Variants in KCNIP4 observed in about 807,000 individuals in gnomAD.
KCNIP4 encodes the protein Kv channel-interacting protein 4.
KCNIP4 carries 12 observed loss-of-function variants against 34.0 expected under a neutral mutation model. That is an observed-to-expected ratio of 0.35 (90% CI 0.23 to 0.57). The LOEUF (loss-of-function observed/expected upper bound fraction) is 0.57, where lower values mean the gene tolerates loss of function less well. Among genes scored for constraint, KCNIP4 ranks in the 20% least tolerant of loss-of-function variants. The pLI is 0.83. For missense variants in KCNIP4, 238 were observed against 311.7 expected, an observed-to-expected ratio of 0.76 and a Z score of 1.78; for synonymous variants, 124 against 102.2, an observed-to-expected ratio of 1.21 and a Z score of -1.29.
intron 2 of KCNIP4, among the ~76,000 whole-genome samples, chr4:20,870,518 A>T (rs1723333631): frequency 6.6e-6 from 1 of 152,150 alleles, no homozygotes; most frequent in Non-Finnish European, 1.5e-5. Flanking sequence ...AAACTAATAC[A>T]CATGGCGAGA....
chr4:21,501,496 T>C (rs1053245231), intron 1 of KCNIP4, among the ~76,000 whole-genome samples: 24 of 152,054 alleles, frequency 1.6e-4, no homozygotes, highest in Admixed American at 1.5e-3. Context: ...AAATTTCTTA[T>C]CAAGCTGATA....
intron 1 of KCNIP4, among the ~76,000 whole-genome samples, chr4:20,900,722 G>T (rs1727073768): frequency 6.6e-6 from 1 of 151,996 alleles, no homozygotes; most frequent in African/African-American, 2.4e-5. Context: ...TGAGAGTTGG[G>T]GAAAGTGGGG....
At chr4:21,694,958 T>C (rs1712143695) in intron 1 of KCNIP4, among the ~76,000 whole-genome samples, 1 of 137,936 alleles carries the variant, frequency 7.2e-6, no homozygotes, top group Non-Finnish European at 1.6e-5. Flanking sequence ...ATAAAGGGCT[T>C]TTTGGTAAAA....
At chr4:21,379,913 G>A (rs1026614211) in intron 1 of KCNIP4, among the ~76,000 whole-genome samples, 2 of 133,874 alleles carry the variant, frequency 1.5e-5, no homozygotes, top group South Asian at 4.8e-4. Flanking sequence ...ATTAGTGCTC[G>A]TTCTCTGGAA....
chr4:21,580,001 T>C (rs1416500398), intron 1 of KCNIP4, among the ~76,000 whole-genome samples: 2 of 152,116 alleles, frequency 1.3e-5, no homozygotes, highest in Non-Finnish European at 2.9e-5. Flanking sequence ...TACAGCTAAA[T>C]ATATAATTTC....
chr4:21,050,300 G>A (rs146081544), intron 1 of KCNIP4, among the ~76,000 whole-genome samples: 1 of 152,248 alleles, frequency 6.6e-6, no homozygotes, highest in African/African-American at 2.4e-5. Context: ...ACTAAATGCT[G>A]CAATAGGTGG....
At chr4:21,893,148 G>A (rs927008903) in intron 1 of KCNIP4, among the ~76,000 whole-genome samples, 3 of 152,024 alleles carry the variant, frequency 2.0e-5, no homozygotes, top group Non-Finnish European at 4.4e-5. Flanking sequence ...ATTAAACCAG[G>A]CACCCAGAAG....
At chr4:21,208,368 G>A (rs1756997924) in intron 1 of KCNIP4, among the ~76,000 whole-genome samples, 2 of 152,110 alleles carry the variant, frequency 1.3e-5, no homozygotes, top group South Asian at 4.1e-4. Context: ...CATCAAGTGG[G>A]TCAATGCAGT....
chr4:21,147,730 G>A (rs1752460566), intron 1 of KCNIP4, among the ~76,000 whole-genome samples: 1 of 151,796 alleles, frequency 6.6e-6, no homozygotes, highest in Non-Finnish European at 1.5e-5. Context: ...CTTTAGGTTA[G>A]GAGTTCGAGA....
chr4:20,920,992 C>T (rs530405600), intron 1 of KCNIP4, among the ~76,000 whole-genome samples: 83 of 151,632 alleles, frequency 5.5e-4, no homozygotes, highest in Non-Finnish European at 8.0e-4. Flanking sequence ...ATCTCAAAAA[C>T]AAAAATAAAA....
chr4:21,110,251 G>C (rs935056766), intron 1 of KCNIP4, among the ~76,000 whole-genome samples: 2 of 152,156 alleles, frequency 1.3e-5, no homozygotes, highest in African/African-American at 4.8e-5. Flanking sequence ...ACTTGAGTAT[G>C]ACCTCTGATT....
At chr4:20,923,416 G>A (rs1310778600) in intron 1 of KCNIP4, among the ~76,000 whole-genome samples, 1 of 152,116 alleles carries the variant, frequency 6.6e-6, no homozygotes, top group Non-Finnish European at 1.5e-5. Context: ...GGTATCTGCA[G>A]TGGATACTGA....
At chr4:20,921,185 C>T (rs186249675) in intron 1 of KCNIP4, among the ~76,000 whole-genome samples, 59 of 152,036 alleles carry the variant, frequency 3.9e-4, no homozygotes, top group African/African-American at 1.3e-3. Flanking sequence ...GAGGTGTTCC[C>T]GAGGCAAAAC....
chr4:21,129,355 A>C (rs1750884391), intron 1 of KCNIP4, among the ~76,000 whole-genome samples: 1 of 152,232 alleles, frequency 6.6e-6, no homozygotes, highest in African/African-American at 2.4e-5. Context: ...CACTCAGGAC[A>C]AAGTAGACAC....
At chr4:20,808,749 A>C (rs981993954) in intron 3 of KCNIP4, among the ~76,000 whole-genome samples, 1 of 152,120 alleles carries the variant, frequency 6.6e-6, no homozygotes, top group East Asian at 1.9e-4. Context: ...TTAAAGGTCA[A>C]CTATACTCTG....
At chr4:21,919,598 G>C (rs1327727486) in intron 1 of KCNIP4, among the ~76,000 whole-genome samples, 1 of 152,082 alleles carries the variant, frequency 6.6e-6, no homozygotes, top group African/African-American at 2.4e-5. Flanking sequence ...CCCAGCTCCT[G>C]GGATAAATTA....
intron 1 of KCNIP4, among the ~76,000 whole-genome samples, chr4:21,362,618 C>T (rs1484481248): frequency 6.6e-6 from 1 of 152,078 alleles, no homozygotes; most frequent in African/African-American, 2.4e-5. Context: ...TAAAAAAACT[C>T]CCCTTCCCAA....
At chr4:21,887,484 T>C (rs914197435) in intron 1 of KCNIP4, among the ~76,000 whole-genome samples, 2 of 152,070 alleles carry the variant, frequency 1.3e-5, no homozygotes, top group African/African-American at 4.8e-5. Context: ...TCGATTTCAA[T>C]GTATGAATTT....
chr4:21,019,790 G>A (rs1055251340), intron 1 of KCNIP4, among the ~76,000 whole-genome samples: 12 of 152,056 alleles, frequency 7.9e-5, no homozygotes, highest in African/African-American at 2.7e-4. Flanking sequence ...AATTTATATA[G>A]GGGTTCTATT....
Sources: gnomAD v4.1 joint callset for allele counts (sites outside exome capture counted in the v4.1 genomes callset) on GRCh38, gnomAD v4.1.1 for gene constraint, MANE v1.5 for transcripts, NCBI Gene and HGNC (gene_info 2026-07-23, HGNC 2026-07-21) for gene names.